Variants in CSMD1 observed in about 807,000 individuals in gnomAD.
CSMD1 encodes CUB and Sushi multiple domains 1, also known as CUB and sushi domain-containing protein 1.
A neutral mutation model predicts 417.5 loss-of-function variants in CSMD1; 213 were observed. That is an observed-to-expected ratio of 0.51 (90% CI 0.46 to 0.57). The LOEUF (loss-of-function observed/expected upper bound fraction) is 0.57. Among genes scored for constraint, CSMD1 ranks in the 20% least tolerant of loss-of-function variants. The probability of loss-of-function intolerance (pLI) is 0.00; values close to 1 mark genes in which losing one functional copy is unlikely to be tolerated. For synonymous variants in CSMD1, 2,862 were observed against 1,736.8 expected, an observed-to-expected ratio of 1.65 and a Z score of -16.11; for missense variants, 6,923 against 4,529.7, an observed-to-expected ratio of 1.53 and a Z score of -15.17.
intron 1 of CSMD1, among the ~76,000 whole-genome samples, chr8:4,951,018 G>T (rs971751990): frequency 1.3e-5 from 2 of 151,178 alleles, no homozygotes; most frequent in Non-Finnish European, 2.9e-5. Context: ...AATAGAGAAG[G>T]GACCTATACA....
At position 2,994,097 on chromosome 8, in the gene CSMD1, G is replaced by A. The variant is rs6993889; in HGVS notation, c.8377+3914C>T. Among the ~76,000 whole-genome samples the A allele has an allele frequency of 5.2e-3, 635 of 122,632 alleles. 3 individuals carry two copies. The highest frequency in any genetic ancestry group is 0.018 in the African/African-American group (602 of 32,772). The allele number at this position is 122,632 out of a possible 152,430, so 80.5% of individuals were successfully genotyped here. ...GGAGGCGGAAGTTGCAGTGAGCTGA[G>A]ATGGCGCCATTGCACTCCAGCCTGG... On this transcript the variant is annotated intron_variant, in intron 54 of 69. Transcript: ENST00000635120.
At chr8:4,696,516 A>T (rs1397257432) in intron 1 of CSMD1, among the ~76,000 whole-genome samples, 1 of 152,244 alleles carries the variant, frequency 6.6e-6, no homozygotes, top group Non-Finnish European at 1.5e-5. Flanking sequence ...AACAGGTCTT[A>T]AACATTATCC....
chr8:4,014,740 TG>T (rs1429741577), intron 4 of CSMD1, among the ~76,000 whole-genome samples: 2 of 152,182 alleles, frequency 1.3e-5, no homozygotes, highest in African/African-American at 4.8e-5. Flanking sequence ...TTCGCATGAC[TG>T]CCCATCACAA....
At chr8:4,945,453 G>C (rs1808302516) in intron 1 of CSMD1, among the ~76,000 whole-genome samples, 1 of 151,674 alleles carries the variant, frequency 6.6e-6, no homozygotes, top group Non-Finnish European at 1.5e-5. Flanking sequence ...CCAGCATTTT[G>C]GGAAGCTGAG....
At chr8:3,763,687 G>C (rs537094667) in intron 5 of CSMD1, among the ~76,000 whole-genome samples, 2 of 152,130 alleles carry the variant, frequency 1.3e-5, no homozygotes, top group African/African-American at 4.8e-5. Context: ...AAGTGCCTTT[G>C]TGGCTAAACA....
chr8:3,055,500 G>C (rs1301311992), intron 49 of CSMD1, among the ~76,000 whole-genome samples: 1 of 152,192 alleles, frequency 6.6e-6, no homozygotes, highest in Non-Finnish European at 1.5e-5. Flanking sequence ...ATGGGATGAA[G>C]ACAGTTTCCT....
At chr8:4,623,718 T>TC (rs1413151849) in intron 2 of CSMD1, among the ~76,000 whole-genome samples, 9 of 152,112 alleles carry the variant, frequency 5.9e-5, no homozygotes, top group African/African-American at 1.9e-4. Context: ...TGAAAGAAGT[T>TC]AGGCATATAC....
At chr8:4,090,332 A>G (rs1184878115) in intron 3 of CSMD1, among the ~76,000 whole-genome samples, 3 of 152,226 alleles carry the variant, frequency 2.0e-5, no homozygotes, top group African/African-American at 7.2e-5. Context: ...AACATTAAAC[A>G]TGAGTCATTA....
chr8:3,038,571 G>A (rs1585203884), intron 50 of CSMD1, among the ~76,000 whole-genome samples: 1 of 152,000 alleles, frequency 6.6e-6, no homozygotes. Context: ...TTATTTACAT[G>A]TTATAAGGTT....
chr8:3,844,825 T>C (rs899514864), intron 5 of CSMD1, among the ~76,000 whole-genome samples: 2 of 152,208 alleles, frequency 1.3e-5, no homozygotes, highest in Admixed American at 6.6e-5. Flanking sequence ...GATTTTGTTT[T>C]TGTTTTTGTC....
At chr8:3,521,936 T>C (rs1481213971) in intron 10 of CSMD1, among the ~76,000 whole-genome samples, 2 of 152,188 alleles carry the variant, frequency 1.3e-5, no homozygotes, top group Non-Finnish European at 2.9e-5. Context: ...TCCATATTCA[T>C]CACATATTGG....
Position 2,974,492 on chromosome 8 carries a change from T to G in CSMD1, c.8699A>C (p.Gln2900Pro). ...SLIGNDTRVC[Q>P]EDSHWSGALP... ...TGCCCCGCTCCAGTGACTGTCTTCC[T>G]GGCACACTCTCGTGTCGTTGCCTAT... Residue 2900 changes from glutamine to proline, a missense_variant, in exon 56 of 70, where the codon CAG becomes CCG. Physicochemically the swap from Gln to Pro is moderately conservative, Grantham distance 76. Coordinates refer to ENST00000635120, the MANE Select transcript of CSMD1 (RefSeq NM_033225.6). The G allele has an allele frequency of 6.2e-7, 1 of 1,613,318 alleles. No homozygotes were observed. Among genetic ancestry groups the G allele is most frequent in the Non-Finnish European group, 8.5e-7 (1 of 1,179,368 alleles).
At chr8:2,988,955 G>C (rs992358950) in intron 54 of CSMD1, among the ~76,000 whole-genome samples, 4 of 152,136 alleles carry the variant, frequency 2.6e-5, no homozygotes, top group Non-Finnish European at 5.9e-5. Context: ...ATGTGGGATG[G>C]GGTCTCTGTT....
Position 3,878,101 on chromosome 8 carries a change from G to A in CSMD1, c.818+119802C>T, listed in dbSNP as rs539865643. On this transcript the variant is annotated intron_variant, in intron 5 of 69. Transcript: ENST00000635120. ...GAACATTTGCTATCAGCTTCTGCCT[G>A]TCTTCCTTCCTCCTTCCCTGCCCAC... Among the ~76,000 whole-genome samples the A allele has an allele frequency of 4.6e-4, 70 of 152,124 alleles. No homozygotes were observed. In the South Asian group the frequency reaches 7.5e-3, roughly 16 times the overall value.
chr8:4,198,188 A>G, intron 3 of CSMD1, among the ~76,000 whole-genome samples: 1 of 152,230 alleles, frequency 6.6e-6, no homozygotes, highest in East Asian at 1.9e-4. Flanking sequence ...AGTCATTCCA[A>G]GCAGAGAGTC....
rs1231847385 is a variant in CSMD1, at chr8:4,409,639, T to C, written c.415+10314A>G. Reference sequence around the variant, plus strand: ...ATAGATTCATCATTATTTGACTTTTTTTCTTTTTTTTTTTTTTTTTTTTAA... The same window carrying C: ...ATAGATTCATCATTATTTGACTTTTCTTCTTTTTTTTTTTTTTTTTTTTAA... On this transcript the variant is annotated intron_variant, in intron 3 of 69. Coordinates refer to ENST00000635120, the MANE Select transcript of CSMD1 (RefSeq NM_033225.6). 2.2e-4 allele frequency among the ~76,000 whole-genome samples: 12 copies of C among 54,886 alleles called. No individual in the cohort carries two copies. In the East Asian group the frequency reaches 5.5e-3, roughly 25 times the overall value. 36.0% of individuals were successfully genotyped at this position (54,886 alleles called of 152,430 possible). A position where few individuals can be genotyped will look rare whatever the true frequency, so the allele number is the denominator to read the frequency against.
At chr8:4,623,644 C>G (rs915997079) in intron 2 of CSMD1, among the ~76,000 whole-genome samples, 1 of 151,926 alleles carries the variant, frequency 6.6e-6, no homozygotes, top group African/African-American at 2.4e-5. Context: ...TTCTGCTTAA[C>G]CATAAAAAAT....
rs192558953 is a variant in CSMD1 at position 4,644,048 on chromosome 8, G to T, written c.86-6490C>A. Among the ~76,000 whole-genome samples, 92 of 152,280 alleles carry T rather than the reference G, an allele frequency of 6.0e-4. No homozygotes were observed. In the East Asian group the frequency reaches 0.015, roughly 26 times the overall value. On this transcript the variant is annotated intron_variant, in intron 1 of 69. Coordinates refer to ENST00000635120, the MANE Select transcript of CSMD1 (RefSeq NM_033225.6). ...ATGAGCAAAGAAGAAAAGTAAAAAT[G>T]CCAGAGGCAGCCTGCCTGAAAGAGA...
At chr8:4,388,850 C>A (rs1283459275) in intron 3 of CSMD1, among the ~76,000 whole-genome samples, 6 of 152,166 alleles carry the variant, frequency 3.9e-5, no homozygotes, top group Admixed American at 3.9e-4. Flanking sequence ...ATTTAAAAAC[C>A]ATTTAAAACT....
Sources: allele counts gnomAD v4.1 joint callset (sites outside exome capture counted in the v4.1 genomes callset), GRCh38; gene constraint gnomAD v4.1.1; transcripts MANE v1.5; gene names NCBI Gene and HGNC (gene_info 2026-07-23, HGNC 2026-07-21).